PDGFA: variants seen among roughly 807,000 people sequenced by gnomAD.
PDGFA encodes the protein platelet-derived growth factor subunit A.
A neutral mutation model predicts 25.6 loss-of-function variants in PDGFA; 9 were observed. That is an observed-to-expected ratio of 0.35 (90% CI 0.21 to 0.61). The LOEUF is 0.61. PDGFA is among the 20% of genes least tolerant of loss of function. PDGFA has a pLI of 0.75. For missense variants in PDGFA, 242 were observed against 272.8 expected, an observed-to-expected ratio of 0.89 and a Z score of 0.79; for synonymous variants, 133 against 111.8, an observed-to-expected ratio of 1.19 and a Z score of -1.20.
chr7:501,138 C>G lies in PDGFA; in HGVS notation c.558G>C (p.Pro186=), dbSNP rs758404992. Residue 186 remains proline, a synonymous_variant, in exon 5 of 6, where the codon CCG becomes CCC. Coordinates refer to ENST00000402802, the Ensembl canonical transcript of PDGFA. ...CACCCGTGTCCTCTTCCCGATAATCCGGATTCAGGCTTGTGGTCGCGCAGG... is the reference window on the plus strand; with the variant it reads ...CACCCGTGTCCTCTTCCCGATAATCGGGATTCAGGCTTGTGGTCGCGCAGG... The G allele has an allele frequency of 2.5e-6, 4 of 1,614,184 alleles. No individual in the cohort carries two copies. In the East Asian group the frequency reaches 8.9e-5, roughly 36 times the overall value.
chr7:501,120 G>C, exon 5 of PDGFA: 1 of 1,614,172 alleles, frequency 6.2e-7, no homozygotes. Context: ...ACTCACCCGT[G>C]TCCTCTTCCC....
At chr7:509,340 G>A (rs1458671719) in intron 4 of PDGFA, among the ~76,000 whole-genome samples, 1 of 152,182 alleles carries the variant, frequency 6.6e-6, no homozygotes, top group African/African-American at 2.4e-5. Flanking sequence ...TGTCCAGGCT[G>A]GAATGCAGTG....
chr7:504,872 C>T (rs1404417093), intron 4 of PDGFA, among the ~76,000 whole-genome samples: 5 of 152,216 alleles, frequency 3.3e-5, no homozygotes, highest in Non-Finnish European at 7.3e-5. Context: ...CTCAACCACT[C>T]GAGATGGCCG....
rs1475286462 is a variant in PDGFA at position 517,758 on chromosome 7, A to G, written c.64-268T>C. On this transcript the variant is annotated intron_variant, in intron 1 of 5. Coordinates refer to ENST00000402802, the Ensembl canonical transcript of PDGFA. This position sits in a 1 kb window ranked among gnomAD's most constrained non-coding sequence, Gnocchi z 7.4. ...CCCCCCCTTTATATTTTCAGACAAA[A>G]GCCCCCGCACTCCGGCCCCTCCACC... is the stretch of plus-strand genomic sequence containing the variant. Among the ~76,000 whole-genome samples, 2 of 151,008 alleles carry G rather than the reference A, an allele frequency of 1.3e-5. No individual in the cohort carries two copies. The highest frequency in any genetic ancestry group is 4.0e-4 in the East Asian group (2 of 5,058).
chr7:504,400 C>T (rs931114553), intron 4 of PDGFA, among the ~76,000 whole-genome samples: 1 of 152,136 alleles, frequency 6.6e-6, no homozygotes, highest in African/African-American at 2.4e-5. Flanking sequence ...CTCAGCCCTC[C>T]CTGAGTCAAG....
In PDGFA at chr7:501,778, G is replaced by T. The variant is rs564852645; in HGVS notation, c.454-536C>A. Among the ~76,000 whole-genome samples, 205 of 152,286 alleles carry T rather than the reference G, an allele frequency of 1.3e-3. 2 individuals are homozygous for T. In the Middle Eastern group the frequency reaches 0.02, roughly 15 times the overall value. On this transcript the variant is annotated intron_variant, in intron 4 of 5. Transcript: ENST00000402802. ...ATTTTTGTTTAAAATAAACCCAAAG[G>T]TTCACGTGTGCCTGGGGGGGCTGAA...
intron 4 of PDGFA, among the ~76,000 whole-genome samples, chr7:504,790 G>A (rs184188517): frequency 1.2e-3 from 190 of 152,344 alleles, no homozygotes; most frequent in Non-Finnish European, 2.1e-3. Context: ...GCAGATACCA[G>A]GGCCTGGCTC....
At position 512,573 on chromosome 7, in the gene PDGFA, G is replaced by A. The variant is rs563133937; in HGVS notation, c.161-118C>T. 5.9e-5 allele frequency: 92 copies of A among 1,556,518 alleles called. 2 individuals carry two copies. In the East Asian group the frequency reaches 1.1e-3, roughly 18 times the overall value. ...AGCCACTGGGGAACAGGCACCTGGC[G>A]GCACAGCCCCTCACAGCTCCCGCCA... On this transcript the variant is annotated intron_variant, in intron 2 of 5. Coordinates refer to ENST00000402802, the Ensembl canonical transcript of PDGFA.
intron 5 of PDGFA, 64 bp downstream of exon 5, chr7:501,051 AC>A: frequency 6.2e-7 from 1 of 1,613,266 alleles, no homozygotes; most frequent in Non-Finnish European, 8.5e-7. Flanking sequence ...GCCACCTAAC[AC>A]CCCAAAAGCA....
chr7:506,359 C>T (rs1039904918), intron 4 of PDGFA, among the ~76,000 whole-genome samples: 7 of 152,056 alleles, frequency 4.6e-5, no homozygotes, highest in African/African-American at 1.7e-4. Context: ...ATGCCCAGAC[C>T]TCAAGCTCGT....
At chr7:515,779 G>A (rs1400212546) in intron 2 of PDGFA, among the ~76,000 whole-genome samples, 1 of 151,902 alleles carries the variant, frequency 6.6e-6, no homozygotes, top group Non-Finnish European at 1.5e-5. Flanking sequence ...TTTTCTGTTC[G>A]GACCCTACGA....
At chr7:515,257 C>T (rs1783036043) in intron 2 of PDGFA, among the ~76,000 whole-genome samples, 1 of 152,148 alleles carries the variant, frequency 6.6e-6, no homozygotes. Flanking sequence ...CTCATGAGCC[C>T]CTGCACTGTC....
At chr7:509,560 G>C (rs146120063) in intron 4 of PDGFA, among the ~76,000 whole-genome samples, 1 of 152,152 alleles carries the variant, frequency 6.6e-6, no homozygotes. Flanking sequence ...ACGGTGGCTG[G>C]GACTGCAGGT....
At chr7:505,222 C>T (rs751321906) in intron 4 of PDGFA, among the ~76,000 whole-genome samples, 1 of 152,180 alleles carries the variant, frequency 6.6e-6, no homozygotes, top group Non-Finnish European at 1.5e-5. Context: ...GGGGGTACCC[C>T]GGCCCCCAGG....
chr7:509,447 C>T (rs1167728106), intron 4 of PDGFA, among the ~76,000 whole-genome samples: 4 of 152,126 alleles, frequency 2.6e-5, no homozygotes, highest in African/African-American at 2.4e-5. Context: ...CTTGCCACCA[C>T]GCCTGGCTAA....
chr7:516,428 G>T (rs141677670), intron 2 of PDGFA, among the ~76,000 whole-genome samples: 4 of 152,260 alleles, frequency 2.6e-5, no homozygotes, highest in African/African-American at 9.6e-5. Context: ...AGGGAGAGAA[G>T]AATCTTCATG....
At chr7:512,561 C>CTTTG in intron 2 of PDGFA, 106 bp from the exon 3 acceptor site, 1 of 1,573,742 alleles carries the variant, frequency 6.4e-7, no homozygotes, top group Non-Finnish European at 8.6e-7. Context: ...CACTGGGGAA[C>CTTTG]AGGCACCTGG....
chr7:512,485 C>T (rs181207197), intron 2 of PDGFA, 30 bp from the exon 3 acceptor site: 4 of 1,612,954 alleles, frequency 2.5e-6, no homozygotes, highest in Admixed American at 3.3e-5. Flanking sequence ...ACCGTGAATG[C>T]CCCAGGCCCG....
chr7:497,937 T>G (rs1253767037), exon 6 of PDGFA: 2 of 22,370 alleles, frequency 8.9e-5, no homozygotes, highest in African/African-American at 1.5e-4. Context: ...CACTTTATGG[T>G]GTAAAAAAAA....
Sources: allele counts gnomAD v4.1 joint callset (sites outside exome capture counted in the v4.1 genomes callset), GRCh38; gene constraint gnomAD v4.1.1; non-coding constraint Gnocchi (gnomAD v3.1); transcripts MANE v1.5; gene names NCBI Gene and HGNC (gene_info 2026-07-23, HGNC 2026-07-21).